The following EPB41L3 variants were observed in gnomAD, a reference collection of about 807,000 sequenced individuals.
EPB41L3 encodes the protein erythrocyte membrane protein band 4.1 like 3, also known as band 4.1-like protein 3.
Under a neutral mutation model 127.1 loss-of-function variants are expected in EPB41L3, and 57 were observed. The ratio of observed to expected loss-of-function variants is 0.45; its 90% CI spans 0.36 to 0.56. The LOEUF (loss-of-function observed/expected upper bound fraction) is 0.56, where lower values mean the gene tolerates loss of function less well. Ranked by LOEUF, EPB41L3 falls within the 20% of genes least tolerant of loss-of-function variation. EPB41L3 has a pLI of 0.00. For missense variants in EPB41L3, 1,273 were observed against 1,372.2 expected, an observed-to-expected ratio of 0.93 and a Z score of 1.14; for synonymous variants, 572 against 549.5, an observed-to-expected ratio of 1.04 and a Z score of -0.57.
intron 1 of EPB41L3, among the ~76,000 whole-genome samples, chr18:5,525,611 T>A (rs1321877361): frequency 3.3e-5 from 5 of 152,158 alleles, no homozygotes; most frequent in African/African-American, 9.7e-5. Flanking sequence ...ATATCCCAAA[T>A]CTGATCTAAA....
chr18:5,524,181 G>T (rs934129289), intron 1 of EPB41L3, among the ~76,000 whole-genome samples: 110 of 148,478 alleles, frequency 7.4e-4, no homozygotes, highest in African/African-American at 1.1e-3. Flanking sequence ...TTTTTTTTTT[G>T]TTGTTGTTGT....
At chr18:5,483,200 G>A (rs2088946136) in intron 2 of EPB41L3, among the ~76,000 whole-genome samples, 1 of 152,132 alleles carries the variant, frequency 6.6e-6, no homozygotes, top group Non-Finnish European at 1.5e-5. Flanking sequence ...GCGTGCATGT[G>A]TGTATGTGTA....
Position 5,416,039 on chromosome 18 carries a change from G to T in EPB41L3, c.1846C>A (p.Leu616Ile), listed in dbSNP as rs762092790. 1 of 1,613,980 alleles carries T rather than the reference G, an allele frequency of 6.2e-7. No homozygotes were observed. The change falls in exon 13 of 23, where the codon CTC becomes ATC. Residue 616 changes from leucine (L) to isoleucine (I), a missense_variant. This residue lies in a region of EPB41L3 where 765 missense variants were observed against 782.9 expected (regional missense o/e 0.98). Coordinates refer to ENST00000341928, the MANE Select transcript of EPB41L3 (RefSeq NM_012307.5). ...LSFPNLSETN[L>I]LPQSLQHYLP... ...TAATGCTGCAAGCTCTGGGGCAGGA[G>T]GTTGGTTTCAGAAAGGTTGGGGAAA...
intron 2 of EPB41L3, among the ~76,000 whole-genome samples, chr18:5,478,899 A>G (rs2087808721): frequency 6.6e-6 from 1 of 152,218 alleles, no homozygotes. Context: ...TAAGACCTGG[A>G]GAGCTTCAAG....
chr18:5,395,277 C>A, intron 20 of EPB41L3, 130 bp from the exon 21 acceptor site: 1 of 825,048 alleles, frequency 1.2e-6, no homozygotes, highest in South Asian at 1.5e-5. Context: ...TTCTATGGCA[C>A]TTATTTCACA....
chr18:5,545,205 T>C (rs577308420), upstream of EPB41L3, among the ~76,000 whole-genome samples: 102 of 152,302 alleles, frequency 6.7e-4, no homozygotes, highest in Non-Finnish European at 1.3e-3. Context: ...TGTTGTACGT[T>C]ATTAATTTTT....
chr18:5,503,142 T>C (rs1651939759), intron 1 of EPB41L3, among the ~76,000 whole-genome samples: 1 of 152,242 alleles, frequency 6.6e-6, no homozygotes, highest in Non-Finnish European at 1.5e-5. Context: ...AGTCAAATTA[T>C]ATTTATCACT....
At chr18:5,563,194 G>A (rs2094155766) in intron 3 of EPB41L3, among the ~76,000 whole-genome samples, 1 of 152,174 alleles carries the variant, frequency 6.6e-6, no homozygotes, top group African/African-American at 2.4e-5. Flanking sequence ...TAAGAAGAGA[G>A]GACGGGAACA....
At chr18:5,405,463 T>A (rs2075219147) in intron 16 of EPB41L3, among the ~76,000 whole-genome samples, 1 of 152,138 alleles carries the variant, frequency 6.6e-6, no homozygotes, top group Admixed American at 6.5e-5. Context: ...CTACAGTAAT[T>A]TTTGGTTCCC....
chr18:5,397,341 T>C lies in EPB41L3; in HGVS notation c.2558A>G (p.Gln853Arg). The change falls in exon 18 of 23, where the codon CAG (glutamine) becomes CGG (arginine). Residue 853 changes from glutamine (Q) to arginine (R), a missense_variant. By Grantham distance (43) the Gln-to-Arg change is conservative. Transcript: ENST00000341928. This position sits in a 1 kb window ranked among gnomAD's most constrained non-coding sequence, Gnocchi z 4.1. ...HLPLSTEKVVQETVLVEERRV... is the reference protein window; with the variant it reads ...HLPLSTEKVVRETVLVEERRV... ...CCGCTCCTCCACCAACACGGTCTCC[T>C]GCACCACCTTCTCAGTGCTAAGCGG... 6.2e-7 allele frequency: 1 copy of C among 1,614,054 alleles called. No homozygotes were observed. The highest frequency in any genetic ancestry group is 1.1e-5 in the South Asian group (1 of 91,084).
chr18:5,606,899 TCTCTC>T (rs2094661031), intron 3 of EPB41L3, among the ~76,000 whole-genome samples: 1 of 151,576 alleles, frequency 6.6e-6, no homozygotes, highest in African/African-American at 2.4e-5. Context: ...TCTCTCTCTC[TCTCTC>T]TCTCTCTCTC....
intron 1 of EPB41L3, among the ~76,000 whole-genome samples, chr18:5,511,508 A>T (rs1235267897): frequency 6.7e-6 from 1 of 148,592 alleles, no homozygotes; most frequent in East Asian, 2.0e-4. Flanking sequence ...TTTCATAATA[A>T]GTCTAACAAA....
intron 13 of EPB41L3, among the ~76,000 whole-genome samples, 198 bp from the exon 14 acceptor site, chr18:5,410,817 C>A (rs556235394): frequency 6.6e-6 from 1 of 152,124 alleles, no homozygotes; most frequent in African/African-American, 2.4e-5. Context: ...ATCAACAGAG[C>A]CAACTCATAG....
intron 14 of EPB41L3, among the ~76,000 whole-genome samples, chr18:5,409,966 T>A (rs981021481): frequency 1.3e-5 from 2 of 152,126 alleles, no homozygotes; most frequent in African/African-American, 4.8e-5. Context: ...TCTATCACTG[T>A]TTAATGTGAT....
chr18:5,607,911 G>A (rs1457290790), intron 3 of EPB41L3, among the ~76,000 whole-genome samples: 1 of 152,042 alleles, frequency 6.6e-6, no homozygotes, highest in East Asian at 1.9e-4. Context: ...GCCAGGAAGA[G>A]TCCAAAAGTA....
At chr18:5,441,278 A>G (rs1201260987) in intron 5 of EPB41L3, among the ~76,000 whole-genome samples, 1 of 152,192 alleles carries the variant, frequency 6.6e-6, no homozygotes, top group Non-Finnish European at 1.5e-5. Context: ...CTGTGAGCCC[A>G]CAGCATAAAA....
chr18:5,438,996 C>T (rs938402310), intron 5 of EPB41L3, among the ~76,000 whole-genome samples: 1 of 151,716 alleles, frequency 6.6e-6, no homozygotes, highest in Non-Finnish European at 1.5e-5. Flanking sequence ...TCTTTTTTTC[C>T]ACATTTACTA....
intron 3 of EPB41L3, among the ~76,000 whole-genome samples, chr18:5,470,682 C>T (rs903447889): frequency 6.6e-6 from 1 of 152,232 alleles, no homozygotes; most frequent in Non-Finnish European, 1.5e-5. Context: ...ACCTTGTCTC[C>T]TACCTCGTTG....
At chr18:5,405,476 A>G (rs1020203430) in intron 16 of EPB41L3, among the ~76,000 whole-genome samples, 3 of 152,196 alleles carry the variant, frequency 2.0e-5, no homozygotes, top group Non-Finnish European at 4.4e-5. Flanking sequence ...TGGTTCCCAC[A>G]CAATGGGAGC....
Sources: gnomAD v4.1 joint callset for allele counts (sites outside exome capture counted in the v4.1 genomes callset) on GRCh38, gnomAD v4.1.1 for gene constraint, gnomAD v4.1.1 regional missense constraint, Gnocchi (gnomAD v3.1) non-coding constraint, MANE v1.5 for transcripts, NCBI Gene and HGNC (gene_info 2026-07-23, HGNC 2026-07-21) for gene names.